The following ANAPC5 variants were observed in gnomAD, a reference collection of about 807,000 sequenced individuals.
ANAPC5 encodes anaphase promoting complex subunit 5.
ANAPC5 carries 60 observed loss-of-function variants against 91.3 expected under a neutral mutation model. That is an observed-to-expected ratio of 0.66 (90% confidence interval 0.53 to 0.81). The LOEUF (loss-of-function observed/expected upper bound fraction) is 0.81. Among genes scored for constraint, ANAPC5 ranks in the 40% least tolerant of loss-of-function variants. ANAPC5 has a pLI of 0.00. For missense variants in ANAPC5, 690 were observed against 931.5 expected, an observed-to-expected ratio of 0.74 and a Z score of 3.37; for synonymous variants, 340 against 364.1, an observed-to-expected ratio of 0.93 and a Z score of 0.75.
chr12:121,338,150 C>T (rs1903315590), intron 5 of ANAPC5, among the ~76,000 whole-genome samples: 1 of 151,166 alleles, frequency 6.6e-6, no homozygotes, highest in African/African-American at 2.4e-5. Context: ...GAGGCTGAGG[C>T]ATGAGTATCG....
At chr12:121,350,434 C>G (rs1313597105) in intron 1 of ANAPC5, among the ~76,000 whole-genome samples, 1 of 152,060 alleles carries the variant, frequency 6.6e-6, no homozygotes, top group Non-Finnish European at 1.5e-5. Flanking sequence ...GTAATCCCAG[C>G]ACTTTGGGAG....
Position 121,331,415 on chromosome 12 carries a change from G to A in ANAPC5, c.964C>T (p.Leu322Phe). ...ATCCTAATTGCCTCCTGCAGGGCGA[G>A]CTCTGCCTGTTGACTAATGACAGAC... ...CRFGHYQQAELALQEAIRIAQ... is the reference protein window; with the variant it reads ...CRFGHYQQAEFALQEAIRIAQ... The change falls in exon 8 of 17, where the codon CTC (leucine) becomes TTC (phenylalanine). Residue 322 changes from leucine (L) to phenylalanine (F), a missense_variant. Physicochemically the swap from Leu to Phe is conservative, Grantham distance 22. Coordinates refer to ENST00000261819, the MANE Select transcript of ANAPC5 (RefSeq NM_016237.5). 1 of 1,608,998 alleles carries A rather than the reference G, an allele frequency of 6.2e-7. No individual in the cohort carries two copies. Among genetic ancestry groups the A allele is most frequent in the Non-Finnish European group, 8.5e-7 (1 of 1,175,774 alleles).
intron 15 of ANAPC5, among the ~76,000 whole-genome samples, chr12:121,316,609 T>G (rs912587927): frequency 1.1e-4 from 17 of 151,458 alleles, no homozygotes; most frequent in Non-Finnish European, 2.1e-4. Flanking sequence ...GGCGGGCGCC[T>G]GTAGTCCCAC....
At chr12:121,340,564 T>C (rs1903411094) in intron 5 of ANAPC5, among the ~76,000 whole-genome samples, 1 of 145,616 alleles carries the variant, frequency 6.9e-6, no homozygotes, top group African/African-American at 2.6e-5. Context: ...TGAGACGGAG[T>C]CTCACTTTGT....
intron 4 of ANAPC5, among the ~76,000 whole-genome samples, chr12:121,344,071 G>A (rs148025794): frequency 1.8e-4 from 27 of 152,316 alleles, no homozygotes; most frequent in African/African-American, 5.8e-4. Flanking sequence ...ACCAGTATGG[G>A]TGATGGACTA....
upstream of ANAPC5, among the ~76,000 whole-genome samples, chr12:121,352,715 T>TGGTGGTGGTGGTGGTGGTGGTGG (rs1555275616): frequency 6.0e-3 from 182 of 30,564 alleles, no homozygotes; most frequent in Non-Finnish European, 0.014. Context: ...TTGGTTGTTG[T>TGGTGGTGGTGGTGGTGGTGGTGG]TGTTGGTGGT....
chr12:121,342,823 C>T lies in ANAPC5; in HGVS notation c.591-754G>A, dbSNP rs1424146563. 6.6e-6 allele frequency among the ~76,000 whole-genome samples: 1 copy of T among 152,198 alleles called. No homozygotes were observed. Among genetic ancestry groups the T allele is most frequent in the Non-Finnish European group, 1.5e-5 (1 of 68,030 alleles). ...GCAGCGAGCCAAGATCACGCCACTG[C>T]ACTCCAGCCTGGCGGCAGAGCGAGA... On this transcript the variant is annotated intron_variant, in intron 4 of 16. Transcript: ENST00000261819. The surrounding 1 kb of genome is among the most constrained non-coding windows in gnomAD (Gnocchi z 4.1).
At chr12:121,336,102 TTAAG>T (rs1484277486) in intron 6 of ANAPC5, among the ~76,000 whole-genome samples, 9 of 152,178 alleles carry the variant, frequency 5.9e-5, no homozygotes, top group Non-Finnish European at 1.2e-4. Context: ...AATTATAAAA[TTAAG>T]TTTTATTAAT....
Position 121,352,200 on chromosome 12 carries a change from T to C in ANAPC5, c.141A>G (p.Thr47=), listed in dbSNP as rs1903921714. 2 of 1,614,014 alleles carry C rather than the reference T, an allele frequency of 1.2e-6. No individual in the cohort carries two copies. The highest frequency in any genetic ancestry group is 2.2e-5 in the East Asian group (1 of 44,872). Residue 47 remains threonine (T), a synonymous_variant, in exon 1 of 17, where the codon ACA becomes ACG. Transcript: ENST00000261819. ...CCATGAGGCTGACGGCGCCCTCGCC[T>C]GTGCGGCTCATCTCGTTCAGCAGCA... ...VLVLLNEMSR[T]GEGAVSLMER...
intron 5 of ANAPC5, among the ~76,000 whole-genome samples, chr12:121,338,602 A>G (rs1903333255): frequency 6.6e-6 from 1 of 152,176 alleles, no homozygotes; most frequent in South Asian, 2.1e-4. Context: ...AAAACAAAAC[A>G]AAACAAAACA....
intron 11 of ANAPC5, among the ~76,000 whole-genome samples, chr12:121,322,203 G>A (rs1902644803): frequency 6.7e-6 from 1 of 148,758 alleles, no homozygotes. Context: ...GTGTCACCCA[G>A]GCTGGAGTGC....
intron 10 of ANAPC5, chr12:121,328,055 T>C: frequency 1.0e-5 from 4 of 381,120 alleles, no homozygotes; most frequent in East Asian, 9.7e-5. Context: ...GTGTGAACCC[T>C]GGTTTACTCT....
rs1903924324 is a variant in ANAPC5 at position 121,352,249 on chromosome 12, G to A, written c.92C>T (p.Thr31Met). The change falls in exon 1 of 17, where the codon ACG (threonine) becomes ATG (methionine). Residue 31 changes from threonine (T) to methionine (M), a missense_variant. This residue lies in a region of ANAPC5 where 238 missense variants were observed against 264.9 expected (regional missense o/e 0.90). Coordinates refer to ENST00000261819, the MANE Select transcript of ANAPC5 (RefSeq NM_016237.5). ...ANVFGIKDWV[T>M]PYKIAVLVLL... ...CACCAGCACCGCGATCTTGTACGGCGTCACCCAGTCCTTGATGCCGAACAC... is the reference window on the plus strand; with the variant it reads ...CACCAGCACCGCGATCTTGTACGGCATCACCCAGTCCTTGATGCCGAACAC... The A allele has an allele frequency of 1.2e-6, 2 of 1,614,058 alleles. 1 individual carries two copies. Among genetic ancestry groups the A allele is most frequent in the Admixed American group, 3.3e-5 (2 of 60,006 alleles).
intron 10 of ANAPC5, 84 bp downstream of exon 10, chr12:121,328,232 T>C (rs1364605917): frequency 2.4e-6 from 3 of 1,248,956 alleles, no homozygotes; most frequent in Non-Finnish European, 3.4e-6. Context: ...GTAAATCTTG[T>C]ATGTATGGCC....
Position 121,308,533 on chromosome 12 carries a change from G to A in ANAPC5, c.2215C>T (p.Gln739Ter), listed in dbSNP as rs1902029028. The A allele has an allele frequency of 1.2e-6, 2 of 1,614,122 alleles. No homozygotes were observed. Among genetic ancestry groups the A allele is most frequent in the Non-Finnish European group, 1.7e-6 (2 of 1,180,004 alleles). The change falls in exon 17 of 17, where the codon CAG (glutamine) becomes TAG (stop). Residue 739 changes from glutamine (Q) to a stop codon, truncating the protein, a stop_gained. Transcript: ENST00000261819. LOFTEE classifies it high-confidence loss of function. ...TGAGAGGGCAGCTCCTGATGCAGCT[G>A]CCGGAAGAGCATCGCACACCGGTTC... is the stretch of plus-strand genomic sequence containing the variant. ...ERNRCAMLFR[Q>*]LHQELPSHGV... is the part of the protein sequence containing the mutation.
chr12:121,340,842 G>A (rs1903429803), intron 5 of ANAPC5, among the ~76,000 whole-genome samples: 1 of 151,848 alleles, frequency 6.6e-6, no homozygotes, highest in Admixed American at 6.6e-5. Context: ...TTACAGGCGT[G>A]AGCCACCATG....
rs756770990 is a variant in ANAPC5, at chr12:121,308,663, A to G, written c.2085T>C (p.Asn695=). 6.8e-6 allele frequency: 11 copies of G among 1,613,980 alleles called. No individual in the cohort carries two copies. The African/African-American group carries it at 1.2e-4, about 18-fold the overall frequency. The change falls in exon 17 of 17, where the codon AAT becomes AAC. Residue 695 remains asparagine (N), a synonymous_variant. Transcript: ENST00000261819. ...EALEAAIENL[N]EAKNYFAKVD... is the part of the protein sequence containing the mutation. ...CCTTTGCAAAATAGTTCTTGGCTTC[A>G]TTGAGGTTCTCGATGGCAGCCTCCA...
intron 4 of ANAPC5, among the ~76,000 whole-genome samples, chr12:121,344,800 G>C (rs1555274504): frequency 1.3e-5 from 2 of 152,160 alleles, no homozygotes; most frequent in Non-Finnish European, 2.9e-5. Flanking sequence ...ACTATGCTGA[G>C]AGTGAAGGAG....
rs1902517719 is a variant in ANAPC5 at position 121,319,682 on chromosome 12, T to C, written c.1637+15A>G. 1.3e-6 allele frequency: 2 copies of C among 1,598,054 alleles called. No homozygotes were observed. Among genetic ancestry groups the C allele is most frequent in the Non-Finnish European group, 1.7e-6 (2 of 1,175,436 alleles). On this transcript the variant is annotated intron_variant, in intron 13 of 16. Transcript: ENST00000261819. ...ATTATTTTATTCTGGGGTTAGAGTTTTCAAGGTTTCTTACCTATAAACACC... is the reference window on the plus strand; with the variant it reads ...ATTATTTTATTCTGGGGTTAGAGTTCTCAAGGTTTCTTACCTATAAACACC...
Sources: allele counts gnomAD v4.1 joint callset (sites outside exome capture counted in the v4.1 genomes callset), GRCh38; gene constraint gnomAD v4.1.1; regional missense constraint gnomAD v4.1.1; non-coding constraint Gnocchi (gnomAD v3.1); transcripts MANE v1.5; gene names NCBI Gene and HGNC (gene_info 2026-07-23, HGNC 2026-07-21).